The following APBA2 variants were observed in gnomAD, a reference collection of about 807,000 sequenced individuals.
APBA2 encodes the protein amyloid-beta A4 precursor protein-binding family A member 2.
A neutral mutation model predicts 75.0 loss-of-function variants in APBA2; 30 were observed. The observed-to-expected ratio is 0.40, with a 90% confidence interval of 0.30 to 0.54. The LOEUF (loss-of-function observed/expected upper bound fraction) is 0.54, where lower values mean the gene tolerates loss of function less well. Ranked by LOEUF, APBA2 falls within the 20% of genes least tolerant of loss-of-function variation. APBA2 has a pLI of 0.49. For missense variants in APBA2, 801 were observed against 1,016.1 expected, an observed-to-expected ratio of 0.79 and a Z score of 2.88; for synonymous variants, 444 against 409.6, an observed-to-expected ratio of 1.08 and a Z score of -1.01.
rs147310000 is a variant in APBA2 at position 29,056,636 on chromosome 15, CCTCT to C, written c.951+1826_951+1829del. Reference sequence around the variant, plus strand: ...TCCTTCTCTCCCTCCCTCCCTCCCTCCTCTCTCTCTCTCTCTCTCTCTCTCTCTT... The same window carrying C: ...TCCTTCTCTCCCTCCCTCCCTCCCTCCTCTCTCTCTCTCTCTCTCTCTCTT... On this transcript the variant is annotated intron_variant, in intron 4 of 14. Coordinates refer to ENST00000683413, the MANE Select transcript of APBA2 (RefSeq NM_001353788.2). Among the ~76,000 whole-genome samples, 671 of 96,278 alleles carry C rather than the reference CCTCT, an allele frequency of 7.0e-3. 9 individuals carry two copies. Among genetic ancestry groups the C allele is most frequent in the African/African-American group, 0.022 (428 of 19,734 alleles). 63.2% of individuals were successfully genotyped at this position (96,278 alleles called of 152,430 possible).
At chr15:29,043,305 C>T (rs1192943530) in intron 3 of APBA2, among the ~76,000 whole-genome samples, 1 of 152,178 alleles carries the variant, frequency 6.6e-6, no homozygotes, top group Non-Finnish European at 1.5e-5. Context: ...GGGCAGATGT[C>T]TCAGCATATT....
At chr15:29,100,431 T>C (rs2152960652) in intron 9 of APBA2, among the ~76,000 whole-genome samples, 1 of 152,368 alleles carries the variant, frequency 6.6e-6, no homozygotes, top group South Asian at 2.1e-4. Context: ...ACACTCGAGT[T>C]TCTTTTGTGA....
intron 3 of APBA2, among the ~76,000 whole-genome samples, chr15:29,042,967 T>C (rs2041126843): frequency 1.3e-5 from 2 of 152,176 alleles, no homozygotes; most frequent in Admixed American, 6.5e-5. Context: ...GCTTTTCCCC[T>C]AAAGGCATCC....
chr15:28,927,571 C>T (rs1566806489), intron 2 of APBA2, among the ~76,000 whole-genome samples: 1 of 151,768 alleles, frequency 6.6e-6, no homozygotes, highest in Non-Finnish European at 1.5e-5. Context: ...TTCCCCTCCC[C>T]AACCCATTAT....
At chr15:28,916,221 G>A (rs1392010907) in intron 1 of APBA2, among the ~76,000 whole-genome samples, 4 of 152,188 alleles carry the variant, frequency 2.6e-5, no homozygotes, top group South Asian at 4.2e-4. Context: ...CTCTGCTCCC[G>A]TGGGTGCCTT....
chr15:29,053,971 C>T lies in APBA2; in HGVS notation c.87C>T (p.Pro29=), dbSNP rs545698147. ...GTCCTGTCCCTCACAGCCAGGAGCC[C>T]GAGAGCGAGGACATGGAGCTGCCCT... is the stretch of plus-strand genomic sequence containing the variant. ...RPGPVPHSQE[P]ESEDMELPLE... The change falls in exon 4 of 15, where the codon CCC becomes CCT. Residue 29 remains proline (P), a synonymous_variant. Coordinates refer to ENST00000683413, the MANE Select transcript of APBA2 (RefSeq NM_001353788.2). The T allele has an allele frequency of 3.0e-4, 492 of 1,614,020 alleles. 10 individuals are homozygous for T. The South Asian group carries it at 4.8e-3, about 16-fold the overall frequency.
chr15:29,081,947 G>A (rs935971955), intron 6 of APBA2, among the ~76,000 whole-genome samples: 3 of 152,192 alleles, frequency 2.0e-5, no homozygotes, highest in Non-Finnish European at 2.9e-5. Flanking sequence ...TGATAGACAC[G>A]GGCAGAATGC....
intron 2 of APBA2, among the ~76,000 whole-genome samples, chr15:28,980,947 C>G (rs1309815033): frequency 6.6e-6 from 1 of 152,204 alleles, no homozygotes; most frequent in Non-Finnish European, 1.5e-5. Flanking sequence ...AGAGGACTCC[C>G]TATTCAGTAA....
intron 13 of APBA2, among the ~76,000 whole-genome samples, chr15:29,112,721 A>C (rs2044802322): frequency 1.3e-5 from 2 of 152,140 alleles, no homozygotes; most frequent in Non-Finnish European, 2.9e-5. Context: ...CTTAAAATCG[A>C]GCATCATAGC....
chr15:28,983,364 C>T (rs543173755), intron 2 of APBA2, among the ~76,000 whole-genome samples: 201 of 152,112 alleles, frequency 1.3e-3, no homozygotes, highest in Non-Finnish European at 1.4e-3. Context: ...GTGTGTGTGG[C>T]GGGAGAGTAA....
At chr15:28,959,987 TACAA>T (rs1386488261) in intron 2 of APBA2, among the ~76,000 whole-genome samples, 3 of 151,860 alleles carry the variant, frequency 2.0e-5, no homozygotes, top group South Asian at 2.1e-4. Flanking sequence ...CTACTAAAAA[TACAA>T]ACAATTAGCT....
rs187263623 is a variant in APBA2, at chr15:29,105,189, G to A, written c.1525-190G>A. On this transcript the variant is annotated intron_variant, in intron 10 of 14. Coordinates refer to ENST00000683413, the MANE Select transcript of APBA2 (RefSeq NM_001353788.2). ...TGGGGTTCGCTCACGGTGGAGTGCT[G>A]GTGGGAGACAGCCTTCATCAGATGA... Among the ~76,000 whole-genome samples the A allele has an allele frequency of 1.8e-4, 27 of 152,318 alleles. 1 individual carries two copies. Among genetic ancestry groups the A allele is most frequent in the African/African-American group, 6.0e-4 (25 of 41,576 alleles).
At chr15:29,080,709 G>T (rs1261104401) in intron 6 of APBA2, among the ~76,000 whole-genome samples, 1 of 152,180 alleles carries the variant, frequency 6.6e-6, no homozygotes, top group East Asian at 1.9e-4. Flanking sequence ...TGCTTAGAGG[G>T]TCACTGCCTC....
intron 9 of APBA2, among the ~76,000 whole-genome samples, chr15:29,101,209 TG>T (rs2044102041): frequency 7.5e-6 from 1 of 134,058 alleles, no homozygotes; most frequent in South Asian, 2.8e-4. Context: ...CCCGAATAAT[TG>T]GAGTGCCTTT....
rs200162081 is a variant in APBA2 at position 29,076,032 on chromosome 15, T to C, written c.1033-23T>C. On this transcript the variant is annotated intron_variant, in intron 5 of 14. Transcript: ENST00000683413. ...CCTACTTAACAATTGTTATGTGTTT[T>C]ATTTTTCCATATTTCCTAACAGACA... 13 of 1,613,016 alleles carry C rather than the reference T, an allele frequency of 8.1e-6. No individual in the cohort carries two copies. The East Asian group carries it at 2.7e-4, about 33-fold the overall frequency.
Position 29,106,710 on chromosome 15 carries a change from G to T in APBA2, c.1808G>T (p.Gly603Val). ...PTVILANMMN[G>V]GPAARSGKLS... ...GTGATCCTGGCCAACATGATGAATGGCGGCCCGGCTGCCCGCTCGGGGAAG... is the reference window on the plus strand; with the variant it reads ...GTGATCCTGGCCAACATGATGAATGTCGGCCCGGCTGCCCGCTCGGGGAAG... The change falls in exon 12 of 15, where the codon GGC becomes GTC. Residue 603 changes from glycine (G) to valine (V), a missense_variant. This residue lies in a region of APBA2 where 367 missense variants were observed against 544.5 expected (regional missense o/e 0.67). Coordinates refer to ENST00000683413, the MANE Select transcript of APBA2 (RefSeq NM_001353788.2). The T allele has an allele frequency of 6.2e-7, 1 of 1,613,024 alleles. No homozygotes were observed. The highest frequency in any genetic ancestry group is 8.5e-7 in the Non-Finnish European group (1 of 1,179,994).
At chr15:28,979,918 C>G (rs758807836) in intron 2 of APBA2, among the ~76,000 whole-genome samples, 6 of 152,214 alleles carry the variant, frequency 3.9e-5, no homozygotes, top group Non-Finnish European at 8.8e-5. Context: ...GCCAACACAA[C>G]CATCCTCGGC....
chr15:29,084,687 A>G (rs931448375), intron 6 of APBA2, among the ~76,000 whole-genome samples: 1 of 152,244 alleles, frequency 6.6e-6, no homozygotes, highest in Non-Finnish European at 1.5e-5. Flanking sequence ...AAACCCGTCT[A>G]TTGAGATTGG....
intron 13 of APBA2, among the ~76,000 whole-genome samples, chr15:29,111,554 A>G (rs2044730341): frequency 6.6e-6 from 1 of 152,188 alleles, no homozygotes; most frequent in Non-Finnish European, 1.5e-5. Context: ...CATATGGATC[A>G]GTCACCATCT....
Sources: allele counts gnomAD v4.1 joint callset (sites outside exome capture counted in the v4.1 genomes callset), GRCh38; gene constraint gnomAD v4.1.1; regional missense constraint gnomAD v4.1.1; transcripts MANE v1.5; gene names NCBI Gene and HGNC (gene_info 2026-07-23, HGNC 2026-07-21).